C10orf143: variants seen among roughly 807,000 people sequenced by gnomAD.
C10orf143 encodes uncharacterized protein C10orf143.
intron 1 of C10orf143, among the ~76,000 whole-genome samples, chr10:130,090,843 C>A (rs1861369813): frequency 6.6e-6 from 1 of 152,176 alleles, no homozygotes; most frequent in African/African-American, 2.4e-5. Flanking sequence ...TTGACAAAGC[C>A]ACTGTAGCCA....
chr10:130,106,110 T>C, intron 1 of C10orf143: 1 of 652,754 alleles, frequency 1.5e-6, no homozygotes, highest in Non-Finnish European at 2.8e-6. Flanking sequence ...CCACGCAGGG[T>C]TGTGGCAGCG....
chr10:130,095,877 G>A (rs567018031), intron 1 of C10orf143, among the ~76,000 whole-genome samples: 111 of 152,228 alleles, frequency 7.3e-4, no homozygotes, highest in African/African-American at 2.6e-3. Flanking sequence ...CAGGACACAG[G>A]CATGGACAAA....
chr10:130,042,250 T>C (rs941021664), intron 3 of C10orf143, among the ~76,000 whole-genome samples: 10 of 152,252 alleles, frequency 6.6e-5, no homozygotes, highest in African/African-American at 2.2e-4. Flanking sequence ...ATCACGTACA[T>C]GGAACGATCA....
intron 3 of C10orf143, among the ~76,000 whole-genome samples, chr10:130,047,326 T>C (rs1860687327): frequency 6.6e-6 from 1 of 152,246 alleles, no homozygotes. Context: ...ATTTTGTTCC[T>C]GTTGTTATTG....
intron 3 of C10orf143, among the ~76,000 whole-genome samples, chr10:130,075,551 A>G (rs567203759): frequency 1.3e-5 from 2 of 152,342 alleles, no homozygotes; most frequent in South Asian, 4.1e-4. Flanking sequence ...GAGGGACTGT[A>G]ACAAGATTTG....
At chr10:130,064,487 TGACTACTTG>T (rs1860896734) in intron 3 of C10orf143, 104 bp from the exon 4 acceptor site, 2 of 394,912 alleles carry the variant, frequency 5.1e-6, no homozygotes, top group South Asian at 2.6e-4. Flanking sequence ...ACATTTAAAA[TGACTACTTG>T]TAAGTGATAA....
intron 1 of C10orf143, among the ~76,000 whole-genome samples, chr10:130,091,475 G>T (rs1401185299): frequency 6.6e-6 from 1 of 152,178 alleles, no homozygotes; most frequent in African/African-American, 2.4e-5. Flanking sequence ...AGCACAAAAA[G>T]GCTGAAAATT....
At position 130,064,072 on chromosome 10, in the gene C10orf143, A is replaced by G. The variant is rs370825226; in HGVS notation, c.*282T>C. On this transcript the variant is annotated 3_prime_UTR_variant, in exon 4 of 4. Transcript: ENST00000637128. ...AATTTTTTGACTTGTAAATAATGCA[A>G]TTGATCTCCCTCTCAACCAGGAACA... 1.3e-5 allele frequency: 4 copies of G among 314,646 alleles called. No homozygotes were observed. Among genetic ancestry groups the G allele is most frequent in the African/African-American group, 6.4e-5 (3 of 46,954 alleles). 19.5% of individuals were successfully genotyped at this position (314,646 alleles called of 1,614,324 possible).
chr10:130,036,578 G>A (rs1346740966), intron 3 of C10orf143, among the ~76,000 whole-genome samples: 1 of 152,200 alleles, frequency 6.6e-6, no homozygotes, highest in Non-Finnish European at 1.5e-5. Context: ...CCTGAGAGAA[G>A]CGGCCCCCAT....
chr10:130,049,258 G>A (rs951368869), intron 3 of C10orf143, among the ~76,000 whole-genome samples: 2 of 152,212 alleles, frequency 1.3e-5, no homozygotes, highest in Non-Finnish European at 2.9e-5. Context: ...CGATCATGGA[G>A]ACAGCAGGCA....
At chr10:130,046,302 G>A (rs6482769) in intron 3 of C10orf143, among the ~76,000 whole-genome samples, 1 of 151,658 alleles carries the variant, frequency 6.6e-6, no homozygotes, top group Non-Finnish European at 1.5e-5. Context: ...GCACTCTCGG[G>A]CTCCCTGCAG....
chr10:130,046,155 A>G (rs1590003180), intron 3 of C10orf143, among the ~76,000 whole-genome samples: 2 of 97,638 alleles, frequency 2.0e-5, no homozygotes, highest in African/African-American at 8.0e-5. Context: ...GGGCACGAGG[A>G]GTGGGGCGAG....
intron 1 of C10orf143, chr10:130,107,593 A>G (rs1235989088): frequency 1.5e-6 from 2 of 1,345,672 alleles, no homozygotes; most frequent in African/African-American, 1.4e-5. Context: ...AGCATTCCCC[A>G]TATGGTCCCT....
At chr10:130,107,904 A>G (rs1564973552) in intron 1 of C10orf143, 1 of 1,342,410 alleles carries the variant, frequency 7.4e-7, no homozygotes, top group Non-Finnish European at 1.1e-6. Context: ...CTTCCTCCAC[A>G]AAGGCAAGAC....
intron 3 of C10orf143, among the ~76,000 whole-genome samples, chr10:130,037,346 C>T (rs899272128): frequency 6.6e-6 from 1 of 152,178 alleles, no homozygotes; most frequent in Non-Finnish European, 1.5e-5. Flanking sequence ...GTAACACTGC[C>T]GGCAGCCCAC....
rs182244658 is a variant in C10orf143, at chr10:130,076,844, T to C, written c.297+2722A>G. Among the ~76,000 whole-genome samples the C allele has an allele frequency of 4.9e-4, 74 of 152,126 alleles. No individual in the cohort carries two copies. The Middle Eastern group carries it at 0.01, about 21-fold the overall frequency. ...AGGTGACTGTCCAGCATGGGAGCCA[T>C]TGGTGGCAGGAAAGGAAGCCTCCTA... On this transcript the variant is annotated intron_variant, in intron 3 of 3. Transcript: ENST00000637128.
At chr10:130,078,406 T>A (rs555660027) in intron 3 of C10orf143, among the ~76,000 whole-genome samples, 10 of 152,314 alleles carry the variant, frequency 6.6e-5, no homozygotes, top group African/African-American at 2.2e-4. Flanking sequence ...GTTCTCAAAG[T>A]AAGCATTATT....
At chr10:130,054,095 A>G (rs1455189325) in intron 3 of C10orf143, among the ~76,000 whole-genome samples, 1 of 152,214 alleles carries the variant, frequency 6.6e-6, no homozygotes, top group African/African-American at 2.4e-5. Context: ...TGTTACCTAC[A>G]GGCACAGTGT....
intron 1 of C10orf143, among the ~76,000 whole-genome samples, chr10:130,099,673 G>C (rs555436136): frequency 6.6e-6 from 1 of 151,374 alleles, no homozygotes; most frequent in Non-Finnish European, 1.5e-5. Context: ...CATAGCTGGG[G>C]ACTACAGCCG....
Sources: gnomAD v4.1 joint callset for allele counts (sites outside exome capture counted in the v4.1 genomes callset) on GRCh38, gnomAD v4.1.1 for gene constraint, MANE v1.5 for transcripts, NCBI Gene and HGNC (gene_info 2026-07-23, HGNC 2026-07-21) for gene names.